INPP5J: variants seen among roughly 807,000 people sequenced by gnomAD.
INPP5J encodes the protein inositol polyphosphate-5-phosphatase J.
Under a neutral mutation model 86.6 loss-of-function variants are expected in INPP5J, and 75 were observed. The ratio of observed to expected loss-of-function variants is 0.87; its 90% confidence interval spans 0.72 to 1.05. The LOEUF is 1.05. Ranked by LOEUF, INPP5J falls within the 50% of genes least tolerant of loss-of-function variation. The pLI is 0.00. For synonymous variants in INPP5J, 540 were observed against 550.0 expected, an observed-to-expected ratio of 0.98 and a Z score of 0.25; for missense variants, 1,229 against 1,341.2, an observed-to-expected ratio of 0.92 and a Z score of 1.31.
At chr22:31,127,064 G>A (rs1353549328) in intron 5 of INPP5J, 27 bp downstream of exon 5, 1 of 1,470,310 alleles carries the variant, frequency 6.8e-7, no homozygotes, top group Non-Finnish European at 9.4e-7. Flanking sequence ...GCCCAGAAGA[G>A]GATGGGACAT....
At position 31,133,711 on chromosome 22, in the gene INPP5J, C is replaced by A; in HGVS notation, c.2511C>A (p.Phe837Leu). The A allele has an allele frequency of 6.2e-7, 1 of 1,611,392 alleles. No homozygotes were observed. The highest frequency in any genetic ancestry group is 8.5e-7 in the Non-Finnish European group (1 of 1,178,298). Residue 837 changes from phenylalanine (F) to leucine (L), a missense_variant, in exon 12 of 13, where the codon TTC becomes TTA. Coordinates refer to ENST00000331075, the MANE Select transcript of INPP5J (RefSeq NM_001284285.2). ...TCCTCATCGGCATCACTGAACCCTT[C>A]CAGGTAAGTAGGCCAGACTGCTGGG... ...HSILIGITEP[F>L]QISLPSSELA...
Position 31,134,689 on chromosome 22 carries a change from C to T in INPP5J, c.*270C>T. On this transcript the variant is annotated 3_prime_UTR_variant, in exon 13 of 13. Coordinates refer to ENST00000331075, the MANE Select transcript of INPP5J (RefSeq NM_001284285.2). ...GGTCATCCATTAGGAATTAAATTCT[C>T]CAGCCTCACTCTCGGCTCTTTCCTA... 2.6e-6 allele frequency: 1 copy of T among 388,478 alleles called. No homozygotes were observed. Among genetic ancestry groups the T allele is most frequent in the Admixed American group, 4.4e-5 (1 of 22,840 alleles). The allele number at this position is 388,478 out of a possible 1,614,324, so 24.1% of individuals were successfully genotyped here.
In INPP5J at chr22:31,127,389, G is replaced by A. The variant is rs775921257; in HGVS notation, c.1644G>A (p.Ala548=). The change falls in exon 6 of 13, where the codon GCG becomes GCA. Residue 548 remains alanine, a synonymous_variant. Transcript: ENST00000331075. ...AGGGTGGCGTGAGCGTGCGCCTGGC[G>A]GCCTTCGGGCACATGCTCTGCTTCC... ...GNKGGVSVRL[A]AFGHMLCFLN... 6 of 1,613,314 alleles carry A rather than the reference G, an allele frequency of 3.7e-6. No homozygotes were observed. The highest frequency in any genetic ancestry group is 4.2e-6 in the Non-Finnish European group (5 of 1,179,622).
At chr22:31,129,231 ACT>A (rs1491314782) in intron 9 of INPP5J, among the ~76,000 whole-genome samples, 1 of 59,060 alleles carries the variant, frequency 1.7e-5, no homozygotes, top group Non-Finnish European at 3.4e-5. Context: ...TGTCTGGCCA[ACT>A]TTTTTTTTTT....
At chr22:31,122,802 C>T, upstream of INPP5J, 1 of 468,190 alleles carries the variant, frequency 2.1e-6, no homozygotes, top group Non-Finnish European at 3.7e-6. Context: ...TACACTCTCC[C>T]CTCCCCACTC....
In INPP5J at chr22:31,126,990, C is replaced by T. The variant is rs1210659228; in HGVS notation, c.1564C>T (p.Arg522Ter). 14 of 1,609,648 alleles carry T rather than the reference C, an allele frequency of 8.7e-6. No individual in the cohort carries two copies. Among genetic ancestry groups the T allele is most frequent in the South Asian group, 1.1e-5 (1 of 90,240 alleles). Reference sequence around the variant, plus strand: ...CAAGTACTACCACCTGCCCTTCCTGCGAGACGTGCAGACCGACTGCACGCG... The same window carrying T: ...CAAGTACTACCACCTGCCCTTCCTGTGAGACGTGCAGACCGACTGCACGCG... The part of the protein sequence containing the change: ...FAKYYHLPFL[R>*]DVQTDCTRTG... Residue 522 changes from arginine to a stop codon, truncating the protein, a stop_gained, in exon 5 of 13, where the codon CGA (arginine) becomes TGA (stop). Coordinates refer to ENST00000331075, the MANE Select transcript of INPP5J (RefSeq NM_001284285.2). LOFTEE classifies it high-confidence loss of function.
At chr22:31,127,835 C>T (rs1921644308) in intron 6 of INPP5J, 116 bp from the exon 7 acceptor site, 2 of 709,564 alleles carry the variant, frequency 2.8e-6, no homozygotes, top group Admixed American at 2.2e-5. Flanking sequence ...CACCCACTCA[C>T]TACATCCCCT....
At position 31,125,696 on chromosome 22, in the gene INPP5J, C is replaced by G. The variant is rs1446551566; in HGVS notation, c.957C>G (p.Ser319=). 2 of 1,550,988 alleles carry G rather than the reference C, an allele frequency of 1.3e-6. No homozygotes were observed. Among genetic ancestry groups the G allele is most frequent in the Non-Finnish European group, 1.7e-6 (2 of 1,146,954 alleles). The change falls in exon 2 of 13, where the codon TCC becomes TCG. Residue 319 remains serine, a synonymous_variant. Transcript: ENST00000331075. ...GTCCTTCAGAGCCTGGCACTCACTCCCCTGGACTTCTGTCCCCCACCTTCC... is the reference window on the plus strand; with the variant it reads ...GTCCTTCAGAGCCTGGCACTCACTCGCCTGGACTTCTGTCCCCCACCTTCC... ...GQGPSEPGTH[S]PGLLSPTFRP... is the part of the protein sequence containing the mutation.
At position 31,127,539 on chromosome 22, in the gene INPP5J, G is replaced by A. The variant is rs776588850; in HGVS notation, c.1787+7G>A. 1 of 1,609,580 alleles carries A rather than the reference G, an allele frequency of 6.2e-7. No homozygotes were observed. The highest frequency in any genetic ancestry group is 1.3e-5 in the African/African-American group (1 of 74,966). ...AGGGCATCCTGGATCATGAGTATGG[G>A]CTGGGGTGGGGCCAAATAGAGCTTG... On this transcript the variant is annotated splice_region_variant and intron_variant, in intron 6 of 12. Transcript: ENST00000331075.
intron 6 of INPP5J, 50 bp downstream of exon 6, chr22:31,127,582 G>A (rs779532806): frequency 1.3e-6 from 2 of 1,553,514 alleles, no homozygotes; most frequent in South Asian, 2.4e-5. Context: ...CTAGTGATGG[G>A]GGTTTTTGTA....
Position 31,134,284 on chromosome 22 carries a change from C to T in INPP5J, c.2886C>T (p.Pro962=), listed in dbSNP as rs1239962618. 6.4e-6 allele frequency: 10 copies of T among 1,554,100 alleles called. No individual in the cohort carries two copies. Among genetic ancestry groups the T allele is most frequent in the Non-Finnish European group, 8.7e-6 (10 of 1,149,356 alleles). The part of the protein sequence containing the change: ...PAVPRSLGLL[P]ALRLETVDPG... The stretch of plus-strand genomic sequence containing the variant: ...TGCCTCGAAGCCTGGGCCTGTTGCC[C>T]GCCTTGCGCCTAGAGACTGTAGACC... The change falls in exon 13 of 13, where the codon CCC becomes CCT. Residue 962 remains proline (P), a synonymous_variant. Transcript: ENST00000331075.
rs2147870449 is a variant in INPP5J at position 31,125,123 on chromosome 22, C to T, written c.384C>T (p.Thr128=). The T allele has an allele frequency of 1.3e-6, 2 of 1,550,202 alleles. No individual in the cohort carries two copies. The highest frequency in any genetic ancestry group is 1.7e-6 in the Non-Finnish European group (2 of 1,146,970). The change falls in exon 2 of 13, where the codon ACC becomes ACT. Residue 128 remains threonine (T), a synonymous_variant. Coordinates refer to ENST00000331075, the MANE Select transcript of INPP5J (RefSeq NM_001284285.2). The part of the protein sequence containing the change: ...ASAGPKPPPA[T]TGSVLAPTSL... Reference sequence around the variant, plus strand: ...CTGGACCAAAGCCTCCCCCAGCGACCACAGGCTCAGTTCTGGCTCCGACGT... The same window carrying T: ...CTGGACCAAAGCCTCCCCCAGCGACTACAGGCTCAGTTCTGGCTCCGACGT...
chr22:31,125,742 C>T lies in INPP5J; in HGVS notation c.1003C>T (p.Gln335Ter). ...PTFRPGAPSG[Q>*]TVPPPLPKPP... ...CTTCCGGCCTGGGGCCCCCTCAGGC[C>T]AGACTGTGCCCCCACCTCTGCCCAA... The change falls in exon 2 of 13, where the codon CAG becomes TAG. Residue 335 changes from glutamine to a stop codon, truncating the protein, a stop_gained. Transcript: ENST00000331075. LOFTEE classifies it high-confidence loss of function. 1 of 1,550,918 alleles carries T rather than the reference C, an allele frequency of 6.4e-7. No homozygotes were observed. The highest frequency in any genetic ancestry group is 8.7e-7 in the Non-Finnish European group (1 of 1,146,530).
chr22:31,125,088 T>G lies in INPP5J; in HGVS notation c.349T>G (p.Ser117Ala). ...AACATCTGTGGGCCAGCTGGTGATG[T>G]CTGCCTCAGCTGGACCAAAGCCTCC... ...APTSVGQLVMSASAGPKPPPA... is the reference protein window; with the variant it reads ...APTSVGQLVMAASAGPKPPPA... The change falls in exon 2 of 13, where the codon TCT (serine) becomes GCT (alanine). Residue 117 changes from serine to alanine, a missense_variant. Physicochemically the swap from Ser to Ala is moderately conservative, Grantham distance 99. Transcript: ENST00000331075. 6.5e-7 allele frequency: 1 copy of G among 1,549,672 alleles called. No individual in the cohort carries two copies. The highest frequency in any genetic ancestry group is 8.7e-7 in the Non-Finnish European group (1 of 1,146,972).
In INPP5J at chr22:31,133,886, C is replaced by A. The variant is rs540281766; in HGVS notation, c.2515-27C>A. Reference sequence around the variant, plus strand: ...TCAGTGGCTGGGTTGGGGAGCAGGGCGCCCCAGTGACCAGCATTTCCCCCA... The same window carrying A: ...TCAGTGGCTGGGTTGGGGAGCAGGGAGCCCCAGTGACCAGCATTTCCCCCA... On this transcript the variant is annotated intron_variant, in intron 12 of 12. Coordinates refer to ENST00000331075, the MANE Select transcript of INPP5J (RefSeq NM_001284285.2). 6 of 1,601,900 alleles carry A rather than the reference C, an allele frequency of 3.7e-6. No individual in the cohort carries two copies. In the African/African-American group the frequency reaches 8.0e-5, roughly 21 times the overall value.
At position 31,127,992 on chromosome 22, in the gene INPP5J, G is replaced by T. The variant is rs756943512; in HGVS notation, c.1829G>T (p.Ser610Ile). Residue 610 changes from serine (S) to isoleucine (I), a missense_variant, in exon 7 of 13, where the codon AGC (serine) becomes ATC (isoleucine). Physicochemically the swap from Ser to Ile is moderately radical, Grantham distance 142 (BLOSUM62 -2). Coordinates refer to ENST00000331075, the MANE Select transcript of INPP5J (RefSeq NM_001284285.2). Reference protein sequence around the residue: ...WFGDLNFRIESYDLHFVKFAI... With the variant: ...WFGDLNFRIEIYDLHFVKFAI... ...GGGGACCTGAACTTCCGCATTGAGA[G>T]CTATGACCTGCACTTTGTCAAGTTT... 3.1e-6 allele frequency: 5 copies of T among 1,612,350 alleles called. No homozygotes were observed. Among genetic ancestry groups the T allele is most frequent in the Non-Finnish European group, 4.2e-6 (5 of 1,179,656 alleles).
At position 31,134,371 on chromosome 22, in the gene INPP5J, T is replaced by G. The variant is rs976086938; in HGVS notation, c.2973T>G (p.Pro991=). ...CCCTGGCGCCCAACAGCCTGTCTCC[T>G]AGTCCCCAGGGCCATCGGGGGCTGG... The part of the protein sequence containing the change: ...REALAPNSLS[P]SPQGHRGLEE... Residue 991 remains proline (P), a synonymous_variant, in exon 13 of 13, where the codon CCT becomes CCG. Transcript: ENST00000331075. 6.6e-7 allele frequency: 1 copy of G among 1,517,568 alleles called. No homozygotes were observed. Among genetic ancestry groups the G allele is most frequent in the Non-Finnish European group, 8.8e-7 (1 of 1,131,726 alleles). The allele number at this position is 1,517,568 out of a possible 1,614,324, so 94.0% of individuals were successfully genotyped here.
At position 31,128,262 on chromosome 22, in the gene INPP5J, G is replaced by A. The variant is rs1167764248; in HGVS notation, c.1948G>A (p.Gly650Arg). The change falls in exon 8 of 13, where the codon GGG becomes AGG. Residue 650 changes from glycine to arginine, a missense_variant. Physicochemically the swap from Gly to Arg is moderately radical, Grantham distance 125. Coordinates refer to ENST00000331075, the MANE Select transcript of INPP5J (RefSeq NM_001284285.2). ...GCCCATTCTGAAGGGCTTTCAGGAG[G>A]GGCCCCTCAACTTCGCTCCCACCTT... Reference protein sequence around the residue: ...TWPILKGFQEGPLNFAPTFKF... With the variant: ...TWPILKGFQERPLNFAPTFKF... 1 of 1,601,968 alleles carries A rather than the reference G, an allele frequency of 6.2e-7. No homozygotes were observed. Among genetic ancestry groups the A allele is most frequent in the Non-Finnish European group, 8.5e-7 (1 of 1,174,184 alleles).
intron 9 of INPP5J, among the ~76,000 whole-genome samples, chr22:31,132,099 G>A (rs1160673384): frequency 6.6e-6 from 1 of 152,188 alleles, no homozygotes; most frequent in Non-Finnish European, 1.5e-5. Flanking sequence ...TTTCCTTCAT[G>A]GACTGATGAC....
Sources: gnomAD v4.1 joint callset for allele counts (sites outside exome capture counted in the v4.1 genomes callset) on GRCh38, gnomAD v4.1.1 for gene constraint, MANE v1.5 for transcripts, NCBI Gene and HGNC (gene_info 2026-07-23, HGNC 2026-07-21) for gene names.